The following TEX53 variants were observed in gnomAD, a reference collection of about 807,000 sequenced individuals.
TEX53 encodes testis-expressed protein 53.
intron 1 of TEX53, among the ~76,000 whole-genome samples, chr9:114,656,915 C>T (rs1245570104): frequency 2.0e-5 from 3 of 152,008 alleles, no homozygotes; most frequent in African/African-American, 4.8e-5. Flanking sequence ...CTCGCTCTGT[C>T]GCTCAGGCTG....
At chr9:114,656,880 C>CT (rs1031708069) in intron 1 of TEX53, among the ~76,000 whole-genome samples, 22 of 151,448 alleles carry the variant, frequency 1.5e-4, no homozygotes, top group Admixed American at 2.6e-4. Flanking sequence ...TGTTGAATGT[C>CT]TTTTTTTTTG....
chr9:114,657,171 C>T lies in TEX53; in HGVS notation c.109+495G>A, dbSNP rs533090822. ...GATTACAGGCGTGAGCCACCGTGCCCGGCCTTGTTGAATGTCTTCTTTGTG... is the reference window on the plus strand; with the variant it reads ...GATTACAGGCGTGAGCCACCGTGCCTGGCCTTGTTGAATGTCTTCTTTGTG... On this transcript the variant is annotated intron_variant, in intron 1 of 1. Coordinates refer to ENST00000423632, the MANE Select transcript of TEX53 (RefSeq NM_001354645.2). Among the ~76,000 whole-genome samples the T allele has an allele frequency of 2.5e-4, 38 of 152,336 alleles. No individual in the cohort carries two copies. The South Asian group carries it at 5.2e-3, about 21-fold the overall frequency.
rs138052182 is a variant in TEX53, at chr9:114,656,407, TCTC to T, written c.*119_*121del. The T allele has an allele frequency of 5.1e-4, 202 of 393,388 alleles. 2 individuals are homozygous for T. The highest frequency in any genetic ancestry group is 3.9e-3 in the African/African-American group (187 of 48,498). 24.4% of individuals were successfully genotyped at this position (393,388 alleles called of 1,614,324 possible). ...TGGCACAGGGATGGCTCAGACGTCTTCTCCTCCTGCAGGGGAGTTTCTGAATCA... is the reference window on the plus strand; with the variant it reads ...TGGCACAGGGATGGCTCAGACGTCTTCTCCTGCAGGGGAGTTTCTGAATCA... On this transcript the variant is annotated 3_prime_UTR_variant, in exon 2 of 2. Transcript: ENST00000423632.
Position 114,657,784 on chromosome 9 carries a change from C to T in TEX53, c.-10G>A, listed in dbSNP as rs1007018921. ...AGATCTTGGACCCCATGTTTTGGTG[C>T]GCGGTGGGAGGAGGAAAGGGCACTG... On this transcript the variant is annotated 5_prime_UTR_variant, in exon 1 of 2. Coordinates refer to ENST00000423632, the MANE Select transcript of TEX53 (RefSeq NM_001354645.2). 75 of 398,702 alleles carry T rather than the reference C, an allele frequency of 1.9e-4. No homozygotes were observed. The highest frequency in any genetic ancestry group is 2.7e-4 in the Non-Finnish European group (60 of 226,172). The allele number at this position is 398,702 out of a possible 1,614,324, so 24.7% of individuals were successfully genotyped here.
chr9:114,657,628 G>A, intron 1 of TEX53, 38 bp downstream of exon 1: 1 of 398,664 alleles, frequency 2.5e-6, no homozygotes, highest in Non-Finnish European at 4.4e-6. Context: ...TCATTCAGGT[G>A]TTCCTGACAC....
intron 1 of TEX53, among the ~76,000 whole-genome samples, chr9:114,656,945 C>T (rs1013295433): frequency 6.6e-6 from 1 of 152,130 alleles, no homozygotes; most frequent in Non-Finnish European, 1.5e-5. Context: ...GGCGCGATCT[C>T]GGCTCACTGC....
In TEX53 at chr9:114,656,562, C is replaced by T. The variant is rs1827708728; in HGVS notation, c.180G>A (p.Met60Ile). Residue 60 changes from methionine (M) to isoleucine (I), a missense_variant, in exon 2 of 2, where the codon ATG becomes ATA. Transcript: ENST00000423632. ...TCCTAAGGATGCACGCCTTGAGCAT[C>T]ATGCGGTTGTCATAGGGGAGGCGTG... ...RHPRLPYDNR[M>I]MLKACILRRP is the part of the protein sequence containing the mutation. 1 of 398,488 alleles carries T rather than the reference C, an allele frequency of 2.5e-6. No homozygotes were observed. The highest frequency in any genetic ancestry group is 2.1e-5 in the African/African-American group (1 of 48,634). The allele number at this position is 398,488 out of a possible 1,614,324, so 24.7% of individuals were successfully genotyped here. A position where few individuals can be genotyped will look rare whatever the true frequency, so the allele number is the denominator to read the frequency against.
At chr9:114,657,515 T>G (rs1827726816) in intron 1 of TEX53, among the ~76,000 whole-genome samples, 151 bp downstream of exon 1, 1 of 152,220 alleles carries the variant, frequency 6.6e-6, no homozygotes, top group Non-Finnish European at 1.5e-5. Context: ...GACTGTGTTG[T>G]TCCAGGCTTG....
intron 1 of TEX53, among the ~76,000 whole-genome samples, chr9:114,657,038 C>T (rs577479357): frequency 7.2e-5 from 11 of 152,064 alleles, no homozygotes; most frequent in African/African-American, 2.7e-4. Flanking sequence ...CACCATGCCC[C>T]GCTAATTTTT....
rs1218681809 is a variant in TEX53, at chr9:114,656,461, C to T, written c.*68G>A. The T allele has an allele frequency of 2.5e-6, 1 of 397,810 alleles. No individual in the cohort carries two copies. Among genetic ancestry groups the T allele is most frequent in the African/African-American group, 2.1e-5 (1 of 48,612 alleles). 24.6% of individuals were successfully genotyped at this position (397,810 alleles called of 1,614,324 possible). A position where few individuals can be genotyped will look rare whatever the true frequency, so the allele number is the denominator to read the frequency against. ...GTCTTCATGACTCTTGTCCACTGCC[C>T]TCTTCCTCATGGAAGCCCAGCAGCT... On this transcript the variant is annotated 3_prime_UTR_variant, in exon 2 of 2. Transcript: ENST00000423632.
Position 114,656,613 on chromosome 9 carries a change from G to T in TEX53, c.129C>A (p.Leu43=). The change falls in exon 2 of 2, where the codon CTC becomes CTA. Residue 43 remains leucine (L), a synonymous_variant. Transcript: ENST00000423632. ...PRSFNLNTNS[L]HSAVPKRHPR... ...GATGTCTTTTTGGTACAGCACTGTG[G>T]AGAGAATTTGTGTTCAGATCTGAAA... The T allele has an allele frequency of 2.5e-6, 1 of 398,634 alleles. No homozygotes were observed. The highest frequency in any genetic ancestry group is 2.1e-5 in the African/African-American group (1 of 48,752). 24.7% of individuals were successfully genotyped at this position (398,634 alleles called of 1,614,324 possible). A position where few individuals can be genotyped will look rare whatever the true frequency, so the allele number is the denominator to read the frequency against.
chr9:114,657,317 G>A (rs1827725151), intron 1 of TEX53, among the ~76,000 whole-genome samples: 1 of 152,182 alleles, frequency 6.6e-6, no homozygotes, highest in South Asian at 2.1e-4. Context: ...GCTTAGAGAG[G>A]GAGGGTCGGC....
At position 114,656,410 on chromosome 9, in the gene TEX53, C is replaced by T. The variant is rs1173502885; in HGVS notation, c.*119G>A. 1 of 393,464 alleles carries T rather than the reference C, an allele frequency of 2.5e-6. No homozygotes were observed. Among genetic ancestry groups the T allele is most frequent in the Admixed American group, 4.4e-5 (1 of 22,534 alleles). 24.4% of individuals were successfully genotyped at this position (393,464 alleles called of 1,614,324 possible). A position where few individuals can be genotyped will look rare whatever the true frequency, so the allele number is the denominator to read the frequency against. On this transcript the variant is annotated 3_prime_UTR_variant, in exon 2 of 2. Transcript: ENST00000423632. The stretch of plus-strand genomic sequence containing the variant: ...CACAGGGATGGCTCAGACGTCTTCT[C>T]CTCCTGCAGGGGAGTTTCTGAATCA...
At chr9:114,656,701 G>C (rs1827710276) in intron 1 of TEX53, 69 bp from the exon 2 acceptor site, 1 of 397,440 alleles carries the variant, frequency 2.5e-6, no homozygotes, top group African/African-American at 2.1e-5. Context: ...ACCTATCTTG[G>C]CCATACTCCA....
rs552681198 is a variant in TEX53 at position 114,656,430 on chromosome 9, G to A, written c.*99C>T. 5.1e-6 allele frequency: 2 copies of A among 395,886 alleles called. No individual in the cohort carries two copies. The highest frequency in any genetic ancestry group is 1.3e-4 in the South Asian group (1 of 7,526). The allele number at this position is 395,886 out of a possible 1,614,324, so 24.5% of individuals were successfully genotyped here. On this transcript the variant is annotated 3_prime_UTR_variant, in exon 2 of 2. Transcript: ENST00000423632. Reference sequence around the variant, plus strand: ...CTTCTCCTCCTGCAGGGGAGTTTCTGAATCAGTCTTCATGACTCTTGTCCA... The same window carrying A: ...CTTCTCCTCCTGCAGGGGAGTTTCTAAATCAGTCTTCATGACTCTTGTCCA...
At position 114,656,634 on chromosome 9, in the gene TEX53, T is replaced by G; in HGVS notation, c.110-2A>C. 2.5e-6 allele frequency: 1 copy of G among 398,578 alleles called. No individual in the cohort carries two copies. The highest frequency in any genetic ancestry group is 4.4e-6 in the Non-Finnish European group (1 of 226,048). The allele number at this position is 398,578 out of a possible 1,614,324, so 24.7% of individuals were successfully genotyped here. A position where few individuals can be genotyped will look rare whatever the true frequency, so the allele number is the denominator to read the frequency against. On this transcript the variant is annotated splice_acceptor_variant, in intron 1 of 1. Transcript: ENST00000423632. LOFTEE classifies it high-confidence loss of function. ...TGTGGAGAGAATTTGTGTTCAGATCTGAAAGAACAGAGGAATAAACTTATC... is the reference window on the plus strand; with the variant it reads ...TGTGGAGAGAATTTGTGTTCAGATCGGAAAGAACAGAGGAATAAACTTATC...
At chr9:114,657,456 G>A (rs1221375965) in intron 1 of TEX53, among the ~76,000 whole-genome samples, 2 of 152,122 alleles carry the variant, frequency 1.3e-5, no homozygotes, top group Admixed American at 6.6e-5. Flanking sequence ...TGATTTCAAC[G>A]AATATCTACC....
At chr9:114,656,937 C>T (rs1033544934) in intron 1 of TEX53, among the ~76,000 whole-genome samples, 3 of 152,056 alleles carry the variant, frequency 2.0e-5, no homozygotes, top group Admixed American at 6.5e-5. Context: ...AGTGCAGTGG[C>T]GCGATCTCGG....
chr9:114,657,379 A>AAT (rs1248285522), intron 1 of TEX53, among the ~76,000 whole-genome samples: 1 of 152,208 alleles, frequency 6.6e-6, no homozygotes, highest in East Asian at 1.9e-4. Context: ...CTACCATCTA[A>AAT]TAAAGTACCA....
Sources: allele counts gnomAD v4.1 joint callset (sites outside exome capture counted in the v4.1 genomes callset), GRCh38; gene constraint gnomAD v4.1.1; transcripts MANE v1.5; gene names NCBI Gene and HGNC (gene_info 2026-07-23, HGNC 2026-07-21).